The following MAP2K5 variants were observed in gnomAD, a reference collection of about 807,000 sequenced individuals.
MAP2K5 encodes mitogen-activated protein kinase kinase 5, also known as dual specificity mitogen-activated protein kinase kinase 5.
MAP2K5 carries 49 observed loss-of-function variants against 83.1 expected under a neutral mutation model. That is an observed-to-expected ratio of 0.59 (90% CI 0.47 to 0.75). MAP2K5 has a LOEUF of 0.75. Ranked by LOEUF, MAP2K5 falls within the 30% of genes least tolerant of loss-of-function variation. The pLI is 0.00. For synonymous variants in MAP2K5, 202 were observed against 191.8 expected, an observed-to-expected ratio of 1.05 and a Z score of -0.44; for missense variants, 457 against 557.5, an observed-to-expected ratio of 0.82 and a Z score of 1.82.
intron 21 of MAP2K5, among the ~76,000 whole-genome samples, chr15:67,776,728 T>A (rs2090246951): frequency 6.6e-6 from 1 of 152,192 alleles, no homozygotes; most frequent in Non-Finnish European, 1.5e-5. Context: ...TATAGACCAT[T>A]TGCTTCTCTA....
At chr15:67,654,483 T>A (rs1005229676) in intron 11 of MAP2K5, among the ~76,000 whole-genome samples, 1 of 152,194 alleles carries the variant, frequency 6.6e-6, no homozygotes, top group East Asian at 1.9e-4. Context: ...AAATCAATTC[T>A]GCCAATCTCT....
intron 13 of MAP2K5, among the ~76,000 whole-genome samples, chr15:67,688,432 G>C (rs1403826112): frequency 6.6e-6 from 1 of 152,212 alleles, no homozygotes; most frequent in Non-Finnish European, 1.5e-5. Context: ...GCATTGTTGA[G>C]GAAGGGGTGC....
intron 17 of MAP2K5, among the ~76,000 whole-genome samples, chr15:67,743,619 T>A (rs1435973235): frequency 6.6e-6 from 1 of 152,200 alleles, no homozygotes; most frequent in Non-Finnish European, 1.5e-5. Flanking sequence ...ATAAAGCTTA[T>A]CATGGAGCAG....
At position 67,786,423 on chromosome 15, in the gene MAP2K5, A is replaced by G. The variant is rs2090418717; in HGVS notation, c.1242+13671A>G. 6.6e-6 allele frequency among the ~76,000 whole-genome samples: 1 copy of G among 152,236 alleles called. No homozygotes were observed. Reference sequence around the variant, plus strand: ...GGAATTATTGTAAACCAGTTAATCAACAAGTATTTGTTGTCCAGGTCTGTG... The same window carrying G: ...GGAATTATTGTAAACCAGTTAATCAGCAAGTATTTGTTGTCCAGGTCTGTG... On this transcript the variant is annotated intron_variant, in intron 21 of 21. Coordinates refer to ENST00000178640, the MANE Select transcript of MAP2K5 (RefSeq NM_145160.3). This position sits in a 1 kb window ranked among gnomAD's most constrained non-coding sequence, Gnocchi z 4.7.
intron 17 of MAP2K5, among the ~76,000 whole-genome samples, chr15:67,731,545 T>C (rs1192167497): frequency 6.6e-6 from 1 of 152,218 alleles, no homozygotes; most frequent in Non-Finnish European, 1.5e-5. Context: ...GTCTTATTAC[T>C]ACTGCCTATA....
chr15:67,548,203 G>T (rs2084435675), intron 1 of MAP2K5, among the ~76,000 whole-genome samples: 1 of 152,210 alleles, frequency 6.6e-6, no homozygotes, highest in Non-Finnish European at 1.5e-5. Flanking sequence ...CACTATAGAG[G>T]TACAGTTCAC....
At chr15:67,582,940 C>T in intron 4 of MAP2K5, among the ~76,000 whole-genome samples, 1 of 151,852 alleles carries the variant, frequency 6.6e-6, no homozygotes, top group East Asian at 1.9e-4. Flanking sequence ...TGTTTGTTTT[C>T]TTTCCTTTTG....
At chr15:67,739,616 G>GA (rs1311942322) in intron 17 of MAP2K5, among the ~76,000 whole-genome samples, 1 of 150,660 alleles carries the variant, frequency 6.6e-6, no homozygotes, top group African/African-American at 2.4e-5. Flanking sequence ...TAGTAGCTGG[G>GA]ATTGCAGGCA....
Position 67,738,614 on chromosome 15 carries a change from G to A in MAP2K5, c.1075-9617G>A, listed in dbSNP as rs1377785028. 6.6e-6 allele frequency among the ~76,000 whole-genome samples: 1 copy of A among 152,222 alleles called. No individual in the cohort carries two copies. The highest frequency in any genetic ancestry group is 6.5e-5 in the Admixed American group (1 of 15,278). On this transcript the variant is annotated intron_variant, in intron 17 of 21. Coordinates refer to ENST00000178640, the MANE Select transcript of MAP2K5 (RefSeq NM_145160.3). This position sits in a 1 kb window ranked among gnomAD's most constrained non-coding sequence, Gnocchi z 4.1. The stretch of plus-strand genomic sequence containing the variant: ...ACTTCAGCCTCCTCACCTGGAAAAT[G>A]ATGGAAATGCCCTAGGTTAGTAATT...
Position 67,748,550 on chromosome 15 carries a change from C to G in MAP2K5, c.1102-19C>G, listed in dbSNP as rs1454611245. On this transcript the variant is annotated intron_variant, in intron 18 of 21. Transcript: ENST00000178640. The surrounding 1 kb of genome is among the most constrained non-coding windows in gnomAD (Gnocchi z 4.0). ...TGCATAGAGGCTAATACTTTTTCCTCTCTTCTTTTCCATTGCAGCCTCTCC... is the reference window on the plus strand; with the variant it reads ...TGCATAGAGGCTAATACTTTTTCCTGTCTTCTTTTCCATTGCAGCCTCTCC... 6.2e-7 allele frequency: 1 copy of G among 1,612,668 alleles called. No homozygotes were observed. Among genetic ancestry groups the G allele is most frequent in the Admixed American group, 1.7e-5 (1 of 59,880 alleles).
At chr15:67,547,057 C>T (rs372086688) in intron 1 of MAP2K5, among the ~76,000 whole-genome samples, 3 of 111,274 alleles carry the variant, frequency 2.7e-5, no homozygotes, top group African/African-American at 1.0e-4. Context: ...AGAGCGAGAC[C>T]CTATCTCAAA....
intron 19 of MAP2K5, among the ~76,000 whole-genome samples, chr15:67,762,163 A>C (rs1314039028): frequency 6.6e-6 from 1 of 152,240 alleles, no homozygotes; most frequent in African/African-American, 2.4e-5. Flanking sequence ...AAGCAGTAGA[A>C]ATGCATTGGG....
intron 12 of MAP2K5, among the ~76,000 whole-genome samples, chr15:67,660,457 A>G (rs1414673533): frequency 6.6e-6 from 1 of 152,102 alleles, no homozygotes; most frequent in African/African-American, 2.4e-5. Context: ...AAATATTCCC[A>G]TAGTCTGATT....
chr15:67,659,084 A>G (rs1187614455), intron 12 of MAP2K5: 3 of 238,412 alleles, frequency 1.3e-5, no homozygotes, highest in African/African-American at 7.0e-5. Flanking sequence ...TTCATCAACT[A>G]CATCTAGAAA....
chr15:67,543,578 G>A lies in MAP2K5; in HGVS notation c.135+108G>A. 3 of 1,314,132 alleles carry A rather than the reference G, an allele frequency of 2.3e-6. No individual in the cohort carries two copies. Among genetic ancestry groups the A allele is most frequent in the East Asian group, 2.3e-5 (1 of 42,736 alleles). 81.4% of individuals were successfully genotyped at this position (1,314,132 alleles called of 1,614,324 possible). ...GAGCCAGTGGCAATGGCTACTGCTG[G>A]CTTCCTGTGGAGGCAGTTTTATTGC... On this transcript the variant is annotated intron_variant, in intron 1 of 21. Transcript: ENST00000178640. This position sits in a 1 kb window ranked among gnomAD's most constrained non-coding sequence, Gnocchi z 4.3.
chr15:67,766,813 C>T (rs2090050042), intron 19 of MAP2K5, among the ~76,000 whole-genome samples: 1 of 152,196 alleles, frequency 6.6e-6, no homozygotes. Flanking sequence ...TTGCATACTT[C>T]TGTGGAGTTG....
intron 3 of MAP2K5, among the ~76,000 whole-genome samples, chr15:67,574,935 G>C (rs1474189419): frequency 6.6e-6 from 1 of 152,116 alleles, no homozygotes; most frequent in Non-Finnish European, 1.5e-5. Context: ...GAGAAGAGAA[G>C]AGAGATGGTT....
intron 2 of MAP2K5, among the ~76,000 whole-genome samples, chr15:67,553,720 T>C (rs1045793128): frequency 5.3e-5 from 8 of 151,696 alleles, no homozygotes; most frequent in South Asian, 4.2e-4. Flanking sequence ...GAGACCATCC[T>C]GGCTAACAAG....
chr15:67,797,875 G>T (rs988276190), intron 21 of MAP2K5, among the ~76,000 whole-genome samples: 3 of 152,104 alleles, frequency 2.0e-5, no homozygotes, highest in Non-Finnish European at 4.4e-5. Context: ...TAGAGACAGG[G>T]TTTCACCGTA....
Sources: gnomAD v4.1 joint callset for allele counts (sites outside exome capture counted in the v4.1 genomes callset) on GRCh38, gnomAD v4.1.1 for gene constraint, Gnocchi (gnomAD v3.1) non-coding constraint, MANE v1.5 for transcripts, NCBI Gene and HGNC (gene_info 2026-07-23, HGNC 2026-07-21) for gene names.